The following RAB37 variants were observed in gnomAD, a reference collection of about 807,000 sequenced individuals.
RAB37 encodes the protein ras-related protein Rab-37.
Under a neutral mutation model 33.1 loss-of-function variants are expected in RAB37, and 29 were observed. The observed-to-expected ratio is 0.88, with a 90% CI of 0.65 to 1.20. The LOEUF is 1.20. RAB37 is among the 50% of genes most tolerant of loss of function. RAB37 has a pLI of 0.00. For missense variants in RAB37, 299 were observed against 301.1 expected (o/e 0.99, Z 0.05); for synonymous variants, 128 against 119.5 (o/e 1.07, Z -0.47).
intron 1 of RAB37, among the ~76,000 whole-genome samples, chr17:74,719,623 T>A (rs1048288212): frequency 1.3e-5 from 2 of 152,126 alleles, no homozygotes; most frequent in African/African-American, 4.8e-5. Context: ...ACTCAAGTAA[T>A]CCTCCTGCCT....
chr17:74,726,806 G>A (rs111693042), intron 1 of RAB37, among the ~76,000 whole-genome samples: 119 of 152,282 alleles, frequency 7.8e-4, no homozygotes, highest in Admixed American at 2.0e-3. Context: ...ATGCTTTTAC[G>A]GTTTAGTTGT....
intron 1 of RAB37, among the ~76,000 whole-genome samples, chr17:74,700,106 C>T (rs1275496433): frequency 6.6e-6 from 1 of 151,784 alleles, no homozygotes; most frequent in East Asian, 1.9e-4. Flanking sequence ...CGCGCCACTG[C>T]ACTCCAGCCT....
chr17:74,700,982 G>A (rs1412998598), intron 1 of RAB37, among the ~76,000 whole-genome samples: 1 of 152,124 alleles, frequency 6.6e-6, no homozygotes, highest in African/African-American at 2.4e-5. Flanking sequence ...GACACACGCA[G>A]AGGGACGACC....
At chr17:74,703,170 C>G (rs756167345) in intron 1 of RAB37, 6 of 1,583,726 alleles carry the variant, frequency 3.8e-6, no homozygotes, top group Non-Finnish European at 5.2e-6. Flanking sequence ...GTGTATAAAC[C>G]AGATCACAGA....
At chr17:74,719,925 C>T (rs556538953) in intron 1 of RAB37, among the ~76,000 whole-genome samples, 70 of 152,288 alleles carry the variant, frequency 4.6e-4, no homozygotes, top group Non-Finnish European at 8.8e-4. Flanking sequence ...AAAGGCAATC[C>T]TCTTGGCCTC....
intron 1 of RAB37, chr17:74,677,295 C>T (rs2031855235): frequency 2.0e-5 from 3 of 152,204 alleles, no homozygotes; most frequent in Admixed American, 2.0e-4. Context: ...TGTTCTCCTT[C>T]CCTGCCAGAA....
intron 1 of RAB37, among the ~76,000 whole-genome samples, chr17:74,692,761 C>T (rs753516672): frequency 2.0e-5 from 3 of 152,176 alleles, no homozygotes; most frequent in African/African-American, 4.8e-5. Context: ...AGTCTGTCCA[C>T]GTCATGCTTC....
chr17:74,694,182 A>T (rs1378989037), intron 1 of RAB37: 1 of 152,188 alleles, frequency 6.6e-6, no homozygotes, highest in East Asian at 1.9e-4. Flanking sequence ...AAAAGGGGAC[A>T]GTAATAGAAG....
At chr17:74,736,798 G>C, upstream of RAB37, 3 of 1,535,502 alleles carry the variant, frequency 2.0e-6, 1 homozygote, top group South Asian at 3.6e-5. Context: ...AACAGATGAG[G>C]AAGTGTCTCG....
intron 1 of RAB37, among the ~76,000 whole-genome samples, chr17:74,714,433 ACG>A (rs1555590440): frequency 6.7e-5 from 10 of 149,302 alleles, no homozygotes; most frequent in Non-Finnish European, 1.0e-4. Context: ...ACACACACAC[ACG>A]CACGCACAGA....
At chr17:74,727,991 G>A (rs1278641060) in intron 1 of RAB37, among the ~76,000 whole-genome samples, 1 of 152,042 alleles carries the variant, frequency 6.6e-6, no homozygotes. Context: ...GTGTGTCTGT[G>A]TGAATGTGCA....
At chr17:74,736,987 C>T (rs774848906), upstream of RAB37, 23 of 1,583,792 alleles carry the variant, frequency 1.5e-5, no homozygotes, top group Middle Eastern at 3.4e-4. Flanking sequence ...CAAGCGACCA[C>T]AGGGGACCGG....
upstream of RAB37, chr17:74,737,159 G>A (rs1372293512): frequency 1.9e-6 from 3 of 1,563,120 alleles, no homozygotes; most frequent in Non-Finnish European, 2.6e-6. Context: ...GACGGAGGGA[G>A]GAGCCTGAGG....
rs561615366 is a variant in RAB37, at chr17:74,747,200, C to G, written c.*1789C>G. On this transcript the variant is annotated 3_prime_UTR_variant, in exon 9 of 9. Transcript: ENST00000392613. ...GAAGTTCTCCGTGGCCTCCCTCAGG[C>G]AGAGCAGGGAGGAGGCTGACATTGC... The G allele has an allele frequency of 6.6e-6, 1 of 152,338 alleles. No homozygotes were observed. The highest frequency in any genetic ancestry group is 2.4e-5 in the African/African-American group (1 of 41,536). The allele number at this position is 152,338 out of a possible 1,614,324, so 9.4% of individuals were successfully genotyped here.
At chr17:74,711,813 C>T (rs2033982308) in intron 1 of RAB37, among the ~76,000 whole-genome samples, 1 of 152,110 alleles carries the variant, frequency 6.6e-6, no homozygotes, top group South Asian at 2.1e-4. Context: ...TGTAACATAT[C>T]ATCTTGTTCT....
intron 1 of RAB37, among the ~76,000 whole-genome samples, chr17:74,717,551 G>A (rs1043475476): frequency 2.0e-5 from 3 of 152,152 alleles, no homozygotes; most frequent in African/African-American, 7.2e-5. Context: ...GCTCATGCCT[G>A]TAACCCCAGC....
At chr17:74,678,698 C>G (rs2031892548) in intron 1 of RAB37, among the ~76,000 whole-genome samples, 1 of 152,152 alleles carries the variant, frequency 6.6e-6, no homozygotes, top group South Asian at 2.1e-4. Flanking sequence ...CACACACACA[C>G]ACACACACAT....
At chr17:74,741,031 G>A (rs1297013436) in intron 2 of RAB37, among the ~76,000 whole-genome samples, 153 bp downstream of exon 2, 1 of 152,126 alleles carries the variant, frequency 6.6e-6, no homozygotes, top group East Asian at 1.9e-4. Flanking sequence ...GACCACAGAG[G>A]TGGCCGGGTC....
intron 1 of RAB37, among the ~76,000 whole-genome samples, chr17:74,689,536 C>A (rs1258238477): frequency 1.3e-5 from 2 of 152,076 alleles, no homozygotes; most frequent in Non-Finnish European, 2.9e-5. Flanking sequence ...ATGAACTGAC[C>A]AATTACCAAT....
Sources: allele counts gnomAD v4.1 joint callset (sites outside exome capture counted in the v4.1 genomes callset), GRCh38; gene constraint gnomAD v4.1.1; transcripts MANE v1.5; gene names NCBI Gene and HGNC (gene_info 2026-07-23, HGNC 2026-07-21).